The following ZNF562 variants were observed in gnomAD, a reference collection of about 807,000 sequenced individuals.
ZNF562 encodes the protein zinc finger protein 562.
ZNF562 carries 13 observed loss-of-function variants against 17.5 expected under a neutral mutation model. The ratio of observed to expected loss-of-function variants is 0.74; its 90% CI spans 0.48 to 1.18. The LOEUF is 1.18. Among genes scored for constraint, ZNF562 ranks in the 50% most tolerant of loss-of-function variants. The probability of loss-of-function intolerance (pLI) is 0.00; values close to 1 mark genes in which losing one functional copy is unlikely to be tolerated. For synonymous variants in ZNF562, 163 were observed against 165.4 expected (o/e 0.99, Z 0.11); for missense variants, 481 against 498.5 (o/e 0.96, Z 0.33).
chr19:9,648,321 T>C lies in ZNF562; in HGVS notation c.*4628A>G, dbSNP rs2144944200. ...TTTATTTAATTTAATTTATTTATTT[T>C]TGACAGAGTCGCACCCTGTCACCCA... On this transcript the variant is annotated 3_prime_UTR_variant, in exon 6 of 6. Coordinates refer to ENST00000453372, the MANE Select transcript of ZNF562 (RefSeq NM_001130031.2). The C allele has an allele frequency of 6.6e-6, 1 of 152,334 alleles. No individual in the cohort carries two copies. Among genetic ancestry groups the C allele is most frequent in the East Asian group, 1.9e-4 (1 of 5,186 alleles). The allele number at this position is 152,334 out of a possible 1,614,324, so 9.4% of individuals were successfully genotyped here. A position where few individuals can be genotyped will look rare whatever the true frequency, so the allele number is the denominator to read the frequency against.
Position 9,646,484 on chromosome 19 carries a change from A to G in ZNF562, c.*6465T>C, listed in dbSNP as rs1028031975. ...AAATCAAGCTGATGTAACTATATAA[A>G]TATCTAACAGAATTAGTGGAACAGA... On this transcript the variant is annotated 3_prime_UTR_variant, in exon 6 of 6. Transcript: ENST00000453372. The G allele has an allele frequency of 1.1e-4, 16 of 152,188 alleles. No homozygotes were observed. The highest frequency in any genetic ancestry group is 3.9e-4 in the African/African-American group (16 of 41,440). 9.4% of individuals were successfully genotyped at this position (152,188 alleles called of 1,614,324 possible). A position where few individuals can be genotyped will look rare whatever the true frequency, so the allele number is the denominator to read the frequency against.
intron 5 of ZNF562, among the ~76,000 whole-genome samples, chr19:9,655,281 AC>A (rs925526602): frequency 5.3e-5 from 8 of 151,666 alleles, no homozygotes; most frequent in African/African-American, 1.7e-4. Context: ...CAGCCATTGC[AC>A]CCAGCCAAAT....
intron 5 of ZNF562, among the ~76,000 whole-genome samples, chr19:9,654,424 A>T (rs2043383056): frequency 1.3e-5 from 2 of 152,236 alleles, no homozygotes; most frequent in South Asian, 4.1e-4. Context: ...CTGTGTAGCT[A>T]GGACTAGAGG....
At chr19:9,665,559 C>G (rs1194677204) in intron 1 of ZNF562, among the ~76,000 whole-genome samples, 1 of 152,156 alleles carries the variant, frequency 6.6e-6, no homozygotes, top group Non-Finnish European at 1.5e-5. Flanking sequence ...CTGGGAGCAG[C>G]ATACTGTAGG....
At chr19:9,656,744 G>T (rs2043499658) in intron 4 of ZNF562, 91 bp from the exon 5 acceptor site, 5 of 1,324,260 alleles carry the variant, frequency 3.8e-6, no homozygotes, top group Non-Finnish European at 5.3e-6. Flanking sequence ...AAAGCCACAG[G>T]CCAGGCACGG....
chr19:9,668,627 G>A (rs971629741), intron 1 of ZNF562, among the ~76,000 whole-genome samples: 1 of 152,024 alleles, frequency 6.6e-6, no homozygotes, highest in African/African-American at 2.4e-5. Context: ...AAATTTATAT[G>A]CAACAATAAA....
At chr19:9,660,176 T>C (rs192232874) in intron 2 of ZNF562, among the ~76,000 whole-genome samples, 15 of 149,506 alleles carry the variant, frequency 1.0e-4, no homozygotes, top group East Asian at 7.8e-4. Flanking sequence ...GGCAAGAGAA[T>C]TGCTTGAACC....
At chr19:9,658,366 T>C (rs778595200) in intron 3 of ZNF562, 6 of 981,594 alleles carry the variant, frequency 6.1e-6, no homozygotes, top group Non-Finnish European at 7.2e-6. Flanking sequence ...TCTTTTTTTT[T>C]GTGACAGAGT....
intron 3 of ZNF562, among the ~76,000 whole-genome samples, chr19:9,659,092 A>T (rs1201861011): frequency 6.6e-6 from 1 of 152,238 alleles, no homozygotes; most frequent in African/African-American, 2.4e-5. Context: ...GGACACTTTC[A>T]TCTGCTTTAT....
At chr19:9,669,734 GCACACA>G (rs71188835) in intron 1 of ZNF562, among the ~76,000 whole-genome samples, 373 of 109,320 alleles carry the variant, frequency 3.4e-3, no homozygotes, top group Admixed American at 5.5e-3. Context: ...GCGCGCGCGC[GCACACA>G]CACACACACA....
rs745577588 is a variant in ZNF562 at position 9,653,476 on chromosome 19, C to T, written c.754G>A (p.Ala252Thr). Reference sequence around the variant, plus strand: ...TCGGATTTCTTTCCAGTATGAACTGCTACACACTGCTTTAAGTGTGAGGAA... The same window carrying T: ...TCGGATTTCTTTCCAGTATGAACTGTTACACACTGCTTTAAGTGTGAGGAA... ...TTSSHLKQCVAVHTGKKSEKT... is the reference protein window; with the variant it reads ...TTSSHLKQCVTVHTGKKSEKT... Residue 252 changes from alanine (A) to threonine (T), a missense_variant, in exon 6 of 6, where the codon GCA becomes ACA. Ala to Thr is a moderately conservative substitution (Grantham distance 58). Transcript: ENST00000453372. 5 of 1,614,212 alleles carry T rather than the reference C, an allele frequency of 3.1e-6. No individual in the cohort carries two copies. The highest frequency in any genetic ancestry group is 1.6e-4 in the Middle Eastern group (1 of 6,062).
chr19:9,653,608 C>G lies in ZNF562; in HGVS notation c.622G>C (p.Glu208Gln). The G allele has an allele frequency of 1.2e-6, 2 of 1,614,122 alleles. No individual in the cohort carries two copies. The highest frequency in any genetic ancestry group is 1.1e-5 in the South Asian group (1 of 91,086). ...AAATACTTAAAGCCTTTTCCACATT[C>G]CTTACATTTGTAGGGTTGTCTTCCA... ...LNGRQPYKCK[E>Q]CGKGFKYFAS... Residue 208 changes from glutamate (E) to glutamine (Q), a missense_variant, in exon 6 of 6, where the codon GAA (glutamate) becomes CAA (glutamine). Coordinates refer to ENST00000453372, the MANE Select transcript of ZNF562 (RefSeq NM_001130031.2).
chr19:9,665,274 AAGG>A (rs1426751134), intron 1 of ZNF562, among the ~76,000 whole-genome samples: 1 of 151,818 alleles, frequency 6.6e-6, no homozygotes, highest in Non-Finnish European at 1.5e-5. Flanking sequence ...AAAAAACTCC[AAGG>A]AGATGGTAAG....
Position 9,652,893 on chromosome 19 carries a change from TAGG to T in ZNF562, c.*53_*55del. On this transcript the variant is annotated 3_prime_UTR_variant, in exon 6 of 6. Coordinates refer to ENST00000453372, the MANE Select transcript of ZNF562 (RefSeq NM_001130031.2). Reference sequence around the variant, plus strand: ...TTACATACAAAAGGTTTCTCTCTGGTAGGAGTTCACAGGTGGGGTGAGGAATAC... The same window carrying T: ...TTACATACAAAAGGTTTCTCTCTGGTAGTTCACAGGTGGGGTGAGGAATAC... The T allele has an allele frequency of 2.1e-6, 3 of 1,435,174 alleles. No homozygotes were observed. Among genetic ancestry groups the T allele is most frequent in the Non-Finnish European group, 2.8e-6 (3 of 1,084,680 alleles). 88.9% of individuals were successfully genotyped at this position (1,435,174 alleles called of 1,614,324 possible). A position where few individuals can be genotyped will look rare whatever the true frequency, so the allele number is the denominator to read the frequency against.
At chr19:9,672,169 A>G (rs991829931) in intron 1 of ZNF562, among the ~76,000 whole-genome samples, 12 of 152,246 alleles carry the variant, frequency 7.9e-5, no homozygotes, top group Non-Finnish European at 1.2e-4. Context: ...CACTGAAGAC[A>G]CTGACAATTG....
chr19:9,669,342 A>T (rs931698716), intron 1 of ZNF562, among the ~76,000 whole-genome samples: 4 of 152,224 alleles, frequency 2.6e-5, no homozygotes, highest in Admixed American at 2.6e-4. Context: ...CAACAGGCAT[A>T]CAAAAAAATG....
intron 1 of ZNF562, among the ~76,000 whole-genome samples, chr19:9,669,734 G>GCACACACACACACACA (rs71188835): frequency 1.5e-4 from 16 of 109,338 alleles, no homozygotes; most frequent in South Asian, 1.4e-3. Flanking sequence ...GCGCGCGCGC[G>GCACACACACACACACA]CACACACACA....
intron 4 of ZNF562, among the ~76,000 whole-genome samples, chr19:9,657,529 G>A (rs1438568104): frequency 6.6e-6 from 1 of 151,430 alleles, no homozygotes; most frequent in East Asian, 1.9e-4. Context: ...AATCTTCTCA[G>A]GCAAAGTGGA....
At position 9,643,274 on chromosome 19, in the gene ZNF562, A is replaced by T. The variant is rs1400559186; in HGVS notation, c.*9675T>A. On this transcript the variant is annotated 3_prime_UTR_variant, in exon 6 of 6. Transcript: ENST00000453372. Reference sequence around the variant, plus strand: ...GAGGCTGAGGCAGGAGAATCACTTGAACCCAGGAATTGGAGGTTGCAGTGA... The same window carrying T: ...GAGGCTGAGGCAGGAGAATCACTTGTACCCAGGAATTGGAGGTTGCAGTGA... The T allele has an allele frequency of 1.3e-5, 2 of 151,892 alleles. No homozygotes were observed. The highest frequency in any genetic ancestry group is 1.5e-5 in the Non-Finnish European group (1 of 68,084). The allele number at this position is 151,892 out of a possible 1,614,324, so 9.4% of individuals were successfully genotyped here.
Sources: allele counts gnomAD v4.1 joint callset (sites outside exome capture counted in the v4.1 genomes callset), GRCh38; gene constraint gnomAD v4.1.1; transcripts MANE v1.5; gene names NCBI Gene and HGNC (gene_info 2026-07-23, HGNC 2026-07-21).